Variants in PNPLA8 observed in about 807,000 individuals in gnomAD.
PNPLA8 encodes the protein patatin like domain 8, phospholipase A2.
Under a neutral mutation model 76.9 loss-of-function variants are expected in PNPLA8, and 39 were observed. The ratio of observed to expected loss-of-function variants is 0.51; its 90% CI spans 0.39 to 0.66. The LOEUF is 0.66. Among genes scored for constraint, PNPLA8 ranks in the 30% least tolerant of loss-of-function variants. The pLI is 0.00. For synonymous variants in PNPLA8, 301 were observed against 307.9 expected, an observed-to-expected ratio of 0.98 and a Z score of 0.24; for missense variants, 887 against 918.0, an observed-to-expected ratio of 0.97 and a Z score of 0.44.
In PNPLA8 at chr7:108,472,640, C is replaced by A; in HGVS notation, c.2110G>T (p.Asp704Tyr). The A allele has an allele frequency of 6.3e-7, 1 of 1,593,430 alleles. No homozygotes were observed. The highest frequency in any genetic ancestry group is 1.2e-5 in the South Asian group (1 of 85,656). ...HIMLDGLLPP[D>Y]TYFRFNPVMC... is the part of the protein sequence containing the mutation. ...ACAGGATTGAATCTAAAATAGGTGT[C>A]AGGAGGTAACAGGCCATCAAGCATT... The change falls in exon 11 of 11, where the codon GAC becomes TAC. Residue 704 changes from aspartate (D) to tyrosine (Y), a missense_variant. By Grantham distance (160) the Asp-to-Tyr change is radical. Coordinates refer to ENST00000257694, the MANE Select transcript of PNPLA8 (RefSeq NM_001256007.3).
intron 7 of PNPLA8, among the ~76,000 whole-genome samples, chr7:108,494,642 C>G (rs991875068): frequency 6.6e-6 from 1 of 152,122 alleles, no homozygotes; most frequent in Non-Finnish European, 1.5e-5. Flanking sequence ...TTCCATGTAT[C>G]TGCCATTGTG....
At chr7:108,490,611 G>C (rs537083656) in intron 8 of PNPLA8, among the ~76,000 whole-genome samples, 100 of 152,074 alleles carry the variant, frequency 6.6e-4, no homozygotes, top group African/African-American at 2.3e-3. Flanking sequence ...GTGAAACCCT[G>C]TCTCTACTAA....
intron 4 of PNPLA8, among the ~76,000 whole-genome samples, chr7:108,504,850 G>C (rs1055767356): frequency 4.6e-5 from 7 of 151,954 alleles, no homozygotes; most frequent in East Asian, 3.9e-4. Flanking sequence ...GCCGAGGTGG[G>C]TGGATCACCT....
chr7:108,495,283 A>G (rs1861470657), intron 7 of PNPLA8, among the ~76,000 whole-genome samples: 1 of 152,204 alleles, frequency 6.6e-6, no homozygotes, highest in African/African-American at 2.4e-5. Context: ...TTGAACTGCA[A>G]GAGTATCTGA....
intron 8 of PNPLA8, among the ~76,000 whole-genome samples, chr7:108,488,692 A>G (rs1349978891): frequency 1.3e-5 from 2 of 152,232 alleles, no homozygotes; most frequent in African/African-American, 4.8e-5. Flanking sequence ...CTGAAATGTA[A>G]CACTACACAA....
At chr7:108,515,832 A>T (rs997981198) in intron 2 of PNPLA8, among the ~76,000 whole-genome samples, 5 of 152,246 alleles carry the variant, frequency 3.3e-5, no homozygotes, top group Admixed American at 3.3e-4. Context: ...TTCCCAATAG[A>T]TAAGTCTTCC....
Position 108,511,055 on chromosome 7 carries a change from A to AAG in PNPLA8, c.1206+3088_1206+3089insCT, listed in dbSNP as rs1554687515. On this transcript the variant is annotated intron_variant, in intron 4 of 10. Transcript: ENST00000257694. ...TCTCAAATTGGAAAAAAAAAAAAAA[A>AAG]AAAAGAAAACTGGTAACTAAATACA... 10 of 694,468 alleles carry AAG rather than the reference A, an allele frequency of 1.4e-5. 1 individual carries two copies. The highest frequency in any genetic ancestry group is 3.8e-5 in the South Asian group (2 of 52,758). The allele number at this position is 694,468 out of a possible 1,614,324, so 43.0% of individuals were successfully genotyped here.
upstream of PNPLA8, chr7:108,526,146 C>T (rs1044917188): frequency 1.1e-6 from 1 of 950,164 alleles, no homozygotes; most frequent in Non-Finnish European, 1.3e-6. Flanking sequence ...GGCGCAGCAG[C>T]TAGGTCGCCA....
At chr7:108,496,962 T>C (rs1489835903) in intron 6 of PNPLA8, among the ~76,000 whole-genome samples, 6 of 152,086 alleles carry the variant, frequency 3.9e-5, no homozygotes, top group Non-Finnish European at 7.4e-5. Flanking sequence ...TGTGTCTTAC[T>C]GGGTTAACAA....
At chr7:108,505,528 A>G (rs1363988259) in intron 4 of PNPLA8, among the ~76,000 whole-genome samples, 1 of 150,544 alleles carries the variant, frequency 6.6e-6, no homozygotes, top group Middle Eastern at 3.2e-3. Flanking sequence ...AAGCCCAGCT[A>G]ATTTTTGTAT....
At position 108,515,021 on chromosome 7, in the gene PNPLA8, C is replaced by T. The variant is rs138710301; in HGVS notation, c.471G>A (p.Leu157=). ...QKNIKQAIKS[L]KKYSDKSAEK... ...CTGCTGATTTGTCACTATATTTTTT[C>T]AGAGATTTGATGGCTTGTTTGATGT... Residue 157 remains leucine (L), a synonymous_variant, in exon 3 of 11, where the codon CTG becomes CTA. Coordinates refer to ENST00000257694, the MANE Select transcript of PNPLA8 (RefSeq NM_001256007.3). The T allele has an allele frequency of 3.7e-5, 60 of 1,607,316 alleles. No individual in the cohort carries two copies. The highest frequency in any genetic ancestry group is 4.5e-5 in the Non-Finnish European group (53 of 1,179,782).
chr7:108,502,062 C>T (rs1431581893), intron 5 of PNPLA8, among the ~76,000 whole-genome samples: 1 of 151,714 alleles, frequency 6.6e-6, no homozygotes, highest in Non-Finnish European at 1.5e-5. Flanking sequence ...AAAACAATTT[C>T]ATGTTTTATT....
intron 8 of PNPLA8, among the ~76,000 whole-genome samples, chr7:108,490,448 T>C (rs888184308): frequency 3.3e-5 from 5 of 152,216 alleles, no homozygotes; most frequent in African/African-American, 1.2e-4. Flanking sequence ...GATGCATGAT[T>C]GTATTGTATC....
chr7:108,520,587 T>C (rs1863665130), intron 2 of PNPLA8, among the ~76,000 whole-genome samples: 1 of 152,200 alleles, frequency 6.6e-6, no homozygotes, highest in Non-Finnish European at 1.5e-5. Context: ...TCAAAATAGC[T>C]AGAAGATTTG....
At chr7:108,476,255 T>C (rs902767339) in intron 10 of PNPLA8, among the ~76,000 whole-genome samples, 2 of 152,216 alleles carry the variant, frequency 1.3e-5, no homozygotes, top group Non-Finnish European at 2.9e-5. Flanking sequence ...GGAGTGCAGG[T>C]ACACTGAGGC....
intron 9 of PNPLA8, 98 bp downstream of exon 9, chr7:108,487,661 T>G (rs1226970992): frequency 6.2e-6 from 4 of 646,192 alleles, no homozygotes; most frequent in Non-Finnish European, 1.0e-5. Flanking sequence ...GAAGAAAGTC[T>G]CCTAGGTTGA....
At chr7:108,525,582 T>C (rs1224473692) in intron 1 of PNPLA8, among the ~76,000 whole-genome samples, 1 of 152,168 alleles carries the variant, frequency 6.6e-6, no homozygotes, top group African/African-American at 2.4e-5. Context: ...AGAAAGAGAT[T>C]ACTGACAAAA....
At chr7:108,481,365 G>A (rs1325389375) in intron 9 of PNPLA8, among the ~76,000 whole-genome samples, 2 of 152,204 alleles carry the variant, frequency 1.3e-5, no homozygotes, top group African/African-American at 4.8e-5. Flanking sequence ...TCTTATTACA[G>A]TAATACTTGG....
chr7:108,497,916 C>G (rs1034276792), intron 5 of PNPLA8, among the ~76,000 whole-genome samples: 1 of 150,152 alleles, frequency 6.7e-6, no homozygotes, highest in East Asian at 2.0e-4. Flanking sequence ...GTAATCCCAG[C>G]GCTTTGGGAG....
Sources: gnomAD v4.1 joint callset for allele counts (sites outside exome capture counted in the v4.1 genomes callset) on GRCh38, gnomAD v4.1.1 for gene constraint, MANE v1.5 for transcripts, NCBI Gene and HGNC (gene_info 2026-07-23, HGNC 2026-07-21) for gene names.